SRGAP3: variants seen among roughly 807,000 people sequenced by gnomAD.
SRGAP3 encodes the protein SLIT-ROBO Rho GTPase activating protein 3.
SRGAP3 carries 39 observed loss-of-function variants against 121.1 expected under a neutral mutation model. The ratio of observed to expected loss-of-function variants is 0.32; its 90% CI spans 0.25 to 0.42. The LOEUF is 0.42. SRGAP3 is among the 10% of genes least tolerant of loss of function. The probability of loss-of-function intolerance (pLI) is 1.00; values close to 1 mark genes in which losing one functional copy is unlikely to be tolerated. For synonymous variants in SRGAP3, 601 were observed against 570.0 expected, an observed-to-expected ratio of 1.05 and a Z score of -0.77; for missense variants, 1,213 against 1,470.6, an observed-to-expected ratio of 0.82 and a Z score of 2.86.
intron 3 of SRGAP3, among the ~76,000 whole-genome samples, chr3:9,301,459 C>A (rs972128953): frequency 6.6e-6 from 1 of 152,320 alleles, no homozygotes; most frequent in Non-Finnish European, 1.5e-5. Flanking sequence ...GCCTCTGTGT[C>A]AGTCAAAGCA....
intron 1 of SRGAP3, among the ~76,000 whole-genome samples, chr3:9,349,418 GC>G (rs1238214850): frequency 1.3e-5 from 2 of 152,208 alleles, no homozygotes; most frequent in South Asian, 2.1e-4. Flanking sequence ...AGGCTTCTCA[GC>G]CCAAGCTGTG....
chr3:9,155,854 C>A (rs991586834), intron 1 of SRGAP3, among the ~76,000 whole-genome samples: 3 of 152,170 alleles, frequency 2.0e-5, no homozygotes, highest in African/African-American at 7.2e-5. Context: ...CTCGCTCTGT[C>A]GCCCAGGCTG....
intron 1 of SRGAP3, among the ~76,000 whole-genome samples, chr3:9,350,475 G>C (rs1225750518): frequency 6.6e-6 from 1 of 152,318 alleles, no homozygotes; most frequent in East Asian, 1.9e-4. Context: ...TGAGATGCTG[G>C]ATGAAATGGA....
intron 3 of SRGAP3, among the ~76,000 whole-genome samples, chr3:9,103,970 C>G (rs944138449): frequency 1.3e-5 from 2 of 152,190 alleles, no homozygotes; most frequent in African/African-American, 4.8e-5. Flanking sequence ...ACTGCAGAAA[C>G]TGATCCTAAG....
chr3:9,149,077 G>A (rs1257472090), intron 1 of SRGAP3, among the ~76,000 whole-genome samples: 1 of 152,022 alleles, frequency 6.6e-6, no homozygotes, highest in Admixed American at 6.6e-5. Context: ...AGCCGAGCGT[G>A]GTGGCAGGCG....
At chr3:8,991,601 C>G (rs953966129) in intron 20 of SRGAP3, among the ~76,000 whole-genome samples, 1 of 152,194 alleles carries the variant, frequency 6.6e-6, no homozygotes, top group Non-Finnish European at 1.5e-5. Flanking sequence ...CGGGTTTAAG[C>G]AAGATCCTTT....
At chr3:9,307,435 G>A (rs1371497057) in intron 3 of SRGAP3, among the ~76,000 whole-genome samples, 1 of 152,158 alleles carries the variant, frequency 6.6e-6, no homozygotes, top group Non-Finnish European at 1.5e-5. Flanking sequence ...TGGTAACCGT[G>A]GTTACACACA....
At chr3:9,117,366 T>C (rs1215748927) in intron 2 of SRGAP3, among the ~76,000 whole-genome samples, 1 of 152,224 alleles carries the variant, frequency 6.6e-6, no homozygotes, top group Non-Finnish European at 1.5e-5. Flanking sequence ...CGCTAAGAAG[T>C]GTTTTCTTGG....
intron 20 of SRGAP3, among the ~76,000 whole-genome samples, chr3:8,991,775 G>C (rs1942068994): frequency 6.6e-6 from 1 of 152,186 alleles, no homozygotes; most frequent in Non-Finnish European, 1.5e-5. Context: ...AATGGATTAT[G>C]ACTAGGGACC....
intron 3 of SRGAP3, among the ~76,000 whole-genome samples, chr3:9,316,975 G>T (rs1188550119): frequency 5.3e-5 from 8 of 152,142 alleles, no homozygotes; most frequent in Admixed American, 2.6e-4. Context: ...GAGAGGCAGA[G>T]AATTCAATTC....
At chr3:9,063,400 A>G (rs1300922916) in intron 5 of SRGAP3, among the ~76,000 whole-genome samples, 1 of 152,046 alleles carries the variant, frequency 6.6e-6, no homozygotes, top group Non-Finnish European at 1.5e-5. Context: ...AAGTGTTAGG[A>G]TTACAGGTGT....
At chr3:9,351,902 G>A (rs992391239) in intron 1 of SRGAP3, among the ~76,000 whole-genome samples, 1 of 152,152 alleles carries the variant, frequency 6.6e-6, no homozygotes, top group East Asian at 1.9e-4. Flanking sequence ...CAAGCTCTTC[G>A]TGTCCTTAGA....
intron 2 of SRGAP3, among the ~76,000 whole-genome samples, chr3:9,121,367 G>A (rs925320042): frequency 1.9e-4 from 29 of 152,214 alleles, no homozygotes; most frequent in Non-Finnish European, 2.9e-4. Context: ...CCCAGATGAA[G>A]GGAGCAGAGA....
At chr3:9,313,738 T>C (rs113389680) in intron 3 of SRGAP3, among the ~76,000 whole-genome samples, 7,011 of 151,782 alleles carry the variant, frequency 0.046, 251 homozygotes, top group Non-Finnish European at 0.059. Flanking sequence ...CTCACGCCTG[T>C]AATCCCAGCA....
chr3:9,217,162 T>C (rs1357302919), intron 1 of SRGAP3, among the ~76,000 whole-genome samples: 1 of 152,190 alleles, frequency 6.6e-6, no homozygotes, highest in African/African-American at 2.4e-5. Flanking sequence ...TAGTAAATTT[T>C]ATGTGATGTG....
At chr3:9,248,775 A>G in intron 1 of SRGAP3, 110 bp downstream of exon 1, 1 of 1,137,038 alleles carries the variant, frequency 8.8e-7, no homozygotes, top group Non-Finnish European at 1.3e-6. Flanking sequence ...ATTGATGCAT[A>G]ACATTTCATA....
In SRGAP3 at chr3:9,053,050, C is replaced by G. The variant is rs760711147; in HGVS notation, c.1300G>C (p.Glu434Gln). 6.2e-7 allele frequency: 1 copy of G among 1,614,110 alleles called. No individual in the cohort carries two copies. The change falls in exon 9 of 22, where the codon GAA becomes CAA. Residue 434 changes from glutamate (E) to glutamine (Q), a missense_variant. By Grantham distance (29) the Glu-to-Gln change is conservative. Around this residue, in one of 2 missense-constraint regions of SRGAP3, gnomAD observed 793 missense variants for 1,032.9 expected, o/e 0.77. Transcript: ENST00000383836. ...NIAKRRANQQ[E>Q]TEMFYFTKFK... The stretch of plus-strand genomic sequence containing the variant: ...ACTGTAAAATAAAACATTTCTGTTT[C>G]CTGCTGGTTGGCTCTCCTCTTGGCA...
At chr3:9,172,295 G>T (rs1469133730) in intron 1 of SRGAP3, among the ~76,000 whole-genome samples, 1 of 151,716 alleles carries the variant, frequency 6.6e-6, no homozygotes, top group African/African-American at 2.4e-5. Flanking sequence ...TAGAGACAGG[G>T]TCTTACCATG....
chr3:9,150,684 TACAGCCCTGGGCTACA>T (rs1002695074), intron 1 of SRGAP3, among the ~76,000 whole-genome samples: 1 of 151,962 alleles, frequency 6.6e-6, no homozygotes, highest in African/African-American at 2.4e-5. Flanking sequence ...TACTAAAATC[TACAGCCCTGGGCTACA>T]GCAGCCCATC....
Sources: gnomAD v4.1 joint callset for allele counts (sites outside exome capture counted in the v4.1 genomes callset) on GRCh38, gnomAD v4.1.1 for gene constraint, gnomAD v4.1.1 regional missense constraint, MANE v1.5 for transcripts, NCBI Gene and HGNC (gene_info 2026-07-23, HGNC 2026-07-21) for gene names.